The following DYM variants were observed in gnomAD, a reference collection of about 807,000 sequenced individuals.
The protein encoded by DYM is dyggve-Melchior-Clausen syndrome protein.
In DYM, 78 loss-of-function variants were observed where a neutral mutation model predicts 93.1. That is an observed-to-expected ratio of 0.84 (90% CI 0.70 to 1.01). The LOEUF (loss-of-function observed/expected upper bound fraction) is 1.01. Ranked by LOEUF, DYM falls within the 50% of genes least tolerant of loss-of-function variation. The pLI is 0.00. For synonymous variants in DYM, 321 were observed against 319.7 expected (o/e 1.00, Z -0.04); for missense variants, 789 against 845.0 (o/e 0.93, Z 0.82).
chr18:49,074,470 A>G (rs1184206247), intron 17 of DYM, among the ~76,000 whole-genome samples: 1 of 152,164 alleles, frequency 6.6e-6, no homozygotes, highest in African/African-American at 2.4e-5. Flanking sequence ...CCAATCTCCC[A>G]TGGATACAGA....
chr18:49,224,023 G>C (rs2093448621), intron 13 of DYM, among the ~76,000 whole-genome samples: 1 of 152,054 alleles, frequency 6.6e-6, no homozygotes, highest in Non-Finnish European at 1.5e-5. Context: ...AGCAAGAGTT[G>C]ACATCAGACC....
At chr18:49,395,421 G>A (rs1429212213) in intron 2 of DYM, among the ~76,000 whole-genome samples, 14 of 152,064 alleles carry the variant, frequency 9.2e-5, no homozygotes, top group African/African-American at 2.9e-4. Context: ...CCTGACGTTG[G>A]GAGTTCAAGA....
chr18:49,286,746 T>A, intron 8 of DYM, 130 bp from the exon 9 acceptor site: 1 of 901,066 alleles, frequency 1.1e-6, no homozygotes, highest in Non-Finnish European at 1.8e-6. Context: ...GAATCATGTC[T>A]ATACATTTCA....
intron 13 of DYM, among the ~76,000 whole-genome samples, chr18:49,233,345 C>G (rs909804555): frequency 3.7e-4 from 43 of 116,020 alleles, no homozygotes; most frequent in Non-Finnish European, 7.0e-5. Flanking sequence ...GGTGACAGGG[C>G]AAGATTCCAT....
intron 2 of DYM, among the ~76,000 whole-genome samples, chr18:49,399,934 C>CTTTTTTTTTTTTTTTTTTTTTT (rs1201370040): frequency 3.0e-5 from 2 of 66,110 alleles, no homozygotes; most frequent in Non-Finnish European, 5.5e-5. Context: ...TTTTATTTTT[C>CTTTTTTTTTTTTTTTTTTTTTT]TTTTTTTTTT....
chr18:49,346,100 C>T (rs2064570451), intron 6 of DYM, among the ~76,000 whole-genome samples: 1 of 152,128 alleles, frequency 6.6e-6, no homozygotes, highest in African/African-American at 2.4e-5. Flanking sequence ...TACAGAGTTA[C>T]CATATCACTT....
intron 2 of DYM, among the ~76,000 whole-genome samples, chr18:49,401,473 C>A (rs929861582): frequency 6.6e-6 from 1 of 152,106 alleles, no homozygotes; most frequent in South Asian, 2.1e-4. Flanking sequence ...GATACATGTA[C>A]ACACTGTGAA....
chr18:49,137,118 C>G (rs1389532140), intron 15 of DYM, among the ~76,000 whole-genome samples: 1 of 152,184 alleles, frequency 6.6e-6, no homozygotes, highest in Admixed American at 6.5e-5. Context: ...AATCCTATCA[C>G]CAGAACACAC....
At chr18:49,368,412 T>A (rs1282258644) in intron 5 of DYM, among the ~76,000 whole-genome samples, 1 of 152,216 alleles carries the variant, frequency 6.6e-6, no homozygotes, top group Non-Finnish European at 1.5e-5. Context: ...ATTACAAGTC[T>A]TATATATTAC....
intron 2 of DYM, among the ~76,000 whole-genome samples, chr18:49,398,875 A>G (rs574185082): frequency 6.6e-6 from 1 of 152,354 alleles, no homozygotes; most frequent in African/African-American, 2.4e-5. Flanking sequence ...GACAAAAAGT[A>G]AAAGAGGTAT....
Position 49,275,967 on chromosome 18 carries a change from T to C in DYM, c.1126-3664A>G, listed in dbSNP as rs372202735. Among the ~76,000 whole-genome samples, 28 of 152,334 alleles carry C rather than the reference T, an allele frequency of 1.8e-4. No individual in the cohort carries two copies. The South Asian group carries it at 5.0e-3, about 27-fold the overall frequency. The stretch of plus-strand genomic sequence containing the variant: ...TCATCTATTAATTCTAAGAGTTTTT[T>C]AGTGGATTCCTTAGGATTATCTATA... On this transcript the variant is annotated intron_variant, in intron 10 of 17. Transcript: ENST00000675505.
At chr18:49,198,729 C>A (rs1333403432) in intron 14 of DYM, among the ~76,000 whole-genome samples, 1 of 151,622 alleles carries the variant, frequency 6.6e-6, no homozygotes, top group Non-Finnish European at 1.5e-5. Context: ...CAGGAAACAA[C>A]AGGTGCTGGA....
chr18:49,215,576 G>C (rs963021389), intron 13 of DYM, among the ~76,000 whole-genome samples: 9 of 152,194 alleles, frequency 5.9e-5, no homozygotes, highest in African/African-American at 2.2e-4. Context: ...GCAAAAAGAA[G>C]TAAACAGATT....
At chr18:49,102,750 C>G (rs572122635) in intron 16 of DYM, among the ~76,000 whole-genome samples, 54 of 152,144 alleles carry the variant, frequency 3.5e-4, no homozygotes, top group African/African-American at 1.2e-3. Context: ...TGAACTCATC[C>G]TTTTTTATGG....
At chr18:49,180,071 A>G (rs926402899) in intron 14 of DYM, among the ~76,000 whole-genome samples, 1 of 152,140 alleles carries the variant, frequency 6.6e-6, no homozygotes, top group Non-Finnish European at 1.5e-5. Context: ...GTTGTATGGA[A>G]AAACCTAACT....
chr18:49,269,578 A>C (rs1401243644), intron 11 of DYM, among the ~76,000 whole-genome samples: 1 of 152,202 alleles, frequency 6.6e-6, no homozygotes, highest in Non-Finnish European at 1.5e-5. Flanking sequence ...AAATGGATAA[A>C]GAAAATGTAA....
chr18:49,458,099 T>A (rs1214597982), intron 1 of DYM, among the ~76,000 whole-genome samples: 1 of 152,222 alleles, frequency 6.6e-6, no homozygotes, highest in African/African-American at 2.4e-5. Context: ...TGTGGTAACA[T>A]GTTACAGCAA....
chr18:49,069,663 G>A (rs925884614), intron 17 of DYM, among the ~76,000 whole-genome samples: 1 of 152,152 alleles, frequency 6.6e-6, no homozygotes, highest in East Asian at 1.9e-4. Flanking sequence ...TTTCATAACT[G>A]TTAGTGTACT....
intron 14 of DYM, among the ~76,000 whole-genome samples, chr18:49,204,939 T>G (rs1046999309): frequency 6.6e-6 from 1 of 152,172 alleles, no homozygotes; most frequent in Non-Finnish European, 1.5e-5. Context: ...ACAAGATAAA[T>G]TCAATACATT....
Sources: allele counts gnomAD v4.1 joint callset (sites outside exome capture counted in the v4.1 genomes callset), GRCh38; gene constraint gnomAD v4.1.1; transcripts MANE v1.5; gene names NCBI Gene and HGNC (gene_info 2026-07-23, HGNC 2026-07-21).